SERPINB7: variants seen among roughly 807,000 people sequenced by gnomAD.
The protein encoded by SERPINB7 is serpin family B member 7.
Under a neutral mutation model 37.4 loss-of-function variants are expected in SERPINB7, and 31 were observed. The observed-to-expected ratio is 0.83, with a 90% CI of 0.62 to 1.12. The LOEUF (loss-of-function observed/expected upper bound fraction) is 1.12. SERPINB7 is among the 50% of genes most tolerant of loss of function. The probability of loss-of-function intolerance (pLI) is 0.00; values close to 1 mark genes in which losing one functional copy is unlikely to be tolerated. For missense variants in SERPINB7, 521 were observed against 455.3 expected (o/e 1.14, Z -1.31); for synonymous variants, 163 against 166.1 (o/e 0.98, Z 0.14).
At chr18:63,787,153 T>C (rs2049381643) in intron 2 of SERPINB7, among the ~76,000 whole-genome samples, 2 of 152,152 alleles carry the variant, frequency 1.3e-5, no homozygotes, top group Non-Finnish European at 2.9e-5. Context: ...TCACATGAGG[T>C]CACATATGGA....
intron 1 of SERPINB7, among the ~76,000 whole-genome samples, chr18:63,754,955 A>G (rs1233667166): frequency 8.1e-6 from 1 of 123,838 alleles, no homozygotes; most frequent in Non-Finnish European, 1.6e-5. Flanking sequence ...TGCGGACTGC[A>G]GTGGCGCAAT....
chr18:63,770,847 CTTTAT>C (rs1177401072), upstream of SERPINB7, among the ~76,000 whole-genome samples: 8 of 148,744 alleles, frequency 5.4e-5, no homozygotes, highest in Admixed American at 4.1e-4. Flanking sequence ...TACAACCTTA[CTTTAT>C]TTTATTTCCA....
At chr18:63,799,957 A>G (rs755668365) in intron 6 of SERPINB7, among the ~76,000 whole-genome samples, 5 of 152,220 alleles carry the variant, frequency 3.3e-5, no homozygotes, top group Non-Finnish European at 7.3e-5. Context: ...TGATATTCTC[A>G]AGATAAGAGC....
rs938180904 is a variant in SERPINB7, at chr18:63,782,396, T to C, written c.24T>C (p.Asn8=). 27 of 1,612,702 alleles carry C rather than the reference T, an allele frequency of 1.7e-5. No homozygotes were observed. The South Asian group carries it at 1.8e-4, about 11-fold the overall frequency. MASLAAA[N]AEFCFNLFRE... is the part of the protein sequence containing the mutation. ...CAATGGCCTCCCTTGCTGCAGCAAA[T>C]GCAGAGTTTTGCTTCAACCTGTTCA... The change falls in exon 2 of 8, where the codon AAT becomes AAC. Residue 8 remains asparagine (N), a synonymous_variant. Coordinates refer to ENST00000398019, the MANE Select transcript of SERPINB7 (RefSeq NM_003784.4).
intron 1 of SERPINB7, among the ~76,000 whole-genome samples, chr18:63,777,201 A>C (rs539369461): frequency 6.6e-6 from 1 of 152,022 alleles, no homozygotes; most frequent in Non-Finnish European, 1.5e-5. Flanking sequence ...AGCAACACAC[A>C]CATATATATA....
In SERPINB7 at chr18:63,796,400, C is replaced by A; in HGVS notation, c.454+17C>A. 1 of 1,352,488 alleles carries A rather than the reference C, an allele frequency of 7.4e-7. No individual in the cohort carries two copies. The allele number at this position is 1,352,488 out of a possible 1,614,324, so 83.8% of individuals were successfully genotyped here. A position where few individuals can be genotyped will look rare whatever the true frequency, so the allele number is the denominator to read the frequency against. On this transcript the variant is annotated intron_variant, in intron 5 of 7. Transcript: ENST00000398019. Reference sequence around the variant, plus strand: ...AAACACATGGTGAGTATTGAAATACCCTATTTTTCTACAAGATTTGTCAGT... The same window carrying A: ...AAACACATGGTGAGTATTGAAATACACTATTTTTCTACAAGATTTGTCAGT...
chr18:63,769,621 T>C (rs1289205326), intron 1 of SERPINB7, among the ~76,000 whole-genome samples: 2 of 152,152 alleles, frequency 1.3e-5, no homozygotes, highest in Non-Finnish European at 2.9e-5. Context: ...GTTTTAATGA[T>C]AATTGGTGAG....
chr18:63,754,733 T>C (rs1305155204), intron 1 of SERPINB7, among the ~76,000 whole-genome samples: 1 of 152,176 alleles, frequency 6.6e-6, no homozygotes, highest in Non-Finnish European at 1.5e-5. Flanking sequence ...AAGCACTTCT[T>C]CAAGCACTTT....
At chr18:63,759,115 T>A (rs1377372614) in intron 1 of SERPINB7, among the ~76,000 whole-genome samples, 1 of 152,234 alleles carries the variant, frequency 6.6e-6, no homozygotes, top group Admixed American at 6.5e-5. Context: ...TCATGGTCTA[T>A]CCTATTCTAT....
At chr18:63,768,931 A>C (rs1026994625) in intron 1 of SERPINB7, among the ~76,000 whole-genome samples, 3 of 152,130 alleles carry the variant, frequency 2.0e-5, no homozygotes, top group African/African-American at 7.2e-5. Context: ...TTGCTCTTCT[A>C]AAAAAAGGAC....
chr18:63,783,855 C>A (rs533537250), intron 2 of SERPINB7, among the ~76,000 whole-genome samples: 3 of 152,310 alleles, frequency 2.0e-5, no homozygotes, highest in East Asian at 3.9e-4. Flanking sequence ...ACCTGTCATA[C>A]CTCAGGTCAT....
intron 7 of SERPINB7, among the ~76,000 whole-genome samples, chr18:63,801,620 G>A (rs1025279815): frequency 6.6e-5 from 10 of 152,116 alleles, no homozygotes; most frequent in South Asian, 2.1e-4. Context: ...GGTGGGCAGC[G>A]GTCTAGGGAA....
chr18:63,772,639 C>G (rs1172404108), upstream of SERPINB7, among the ~76,000 whole-genome samples: 1 of 152,046 alleles, frequency 6.6e-6, no homozygotes, highest in Non-Finnish European at 1.5e-5. Flanking sequence ...CTTTAATTTG[C>G]TTCTAAAATT....
intron 1 of SERPINB7, among the ~76,000 whole-genome samples, chr18:63,763,453 T>C (rs1216204081): frequency 6.6e-6 from 1 of 152,244 alleles, no homozygotes; most frequent in Non-Finnish European, 1.5e-5. Flanking sequence ...ATTTAAAAAA[T>C]TGGTAAGTAA....
chr18:63,780,601 C>T (rs1701644), intron 1 of SERPINB7, among the ~76,000 whole-genome samples: 20,836 of 152,036 alleles, frequency 0.14, 2,397 homozygotes, highest in East Asian at 0.44. Flanking sequence ...ACTTTTTACC[C>T]GGGATTGCTT....
chr18:63,798,215 G>A (rs1010336408), intron 5 of SERPINB7, among the ~76,000 whole-genome samples: 18 of 152,330 alleles, frequency 1.2e-4, no homozygotes, highest in Admixed American at 5.2e-4. Flanking sequence ...TTGAAGTACT[G>A]TAGTAGCAAA....
Position 63,792,437 on chromosome 18 carries a change from T to A in SERPINB7, c.213T>A (p.Asn71Lys). 6.3e-7 allele frequency: 1 copy of A among 1,592,788 alleles called. No homozygotes were observed. The highest frequency in any genetic ancestry group is 1.1e-5 in the South Asian group (1 of 90,590). The change falls in exon 3 of 8, where the codon AAT becomes AAA. Residue 71 changes from asparagine to lysine, a missense_variant. Physicochemically the swap from Asn to Lys is moderately conservative, Grantham distance 94. Coordinates refer to ENST00000398019, the MANE Select transcript of SERPINB7 (RefSeq NM_003784.4). ...NTASGYGNSSNSQSGLQSQLK... is the reference protein window; with the variant it reads ...NTASGYGNSSKSQSGLQSQLK... ...CCTCAGGATATGGAAACTCTTCTAA[T>A]AGTCAGGTAAAGACAATATGTTCTT...
chr18:63,781,153 CT>C (rs1365584676), intron 1 of SERPINB7, among the ~76,000 whole-genome samples: 3 of 152,178 alleles, frequency 2.0e-5, no homozygotes, highest in Non-Finnish European at 2.9e-5. Flanking sequence ...TTCTTTCAGA[CT>C]GCATGGCTCT....
chr18:63,784,755 A>T (rs1320764068), intron 2 of SERPINB7, among the ~76,000 whole-genome samples: 1 of 152,204 alleles, frequency 6.6e-6, no homozygotes, highest in African/African-American at 2.4e-5. Context: ...CAAATAAAGA[A>T]AAAAACCTTA....
Sources: allele counts gnomAD v4.1 joint callset (sites outside exome capture counted in the v4.1 genomes callset), GRCh38; gene constraint gnomAD v4.1.1; transcripts MANE v1.5; gene names NCBI Gene and HGNC (gene_info 2026-07-23, HGNC 2026-07-21).